SBNO1: variants seen among roughly 807,000 people sequenced by gnomAD.
The protein encoded by SBNO1 is strawberry notch homolog 1.
SBNO1 carries 23 observed loss-of-function variants against 173.6 expected under a neutral mutation model. The ratio of observed to expected loss-of-function variants is 0.13; its 90% CI spans 0.10 to 0.19. SBNO1 has a LOEUF of 0.19. Ranked by LOEUF, SBNO1 falls within the 10% of genes least tolerant of loss-of-function variation. The pLI is 1.00. For missense variants in SBNO1, 1,238 were observed against 1,671.2 expected, an observed-to-expected ratio of 0.74 and a Z score of 4.52; for synonymous variants, 632 against 571.5, an observed-to-expected ratio of 1.11 and a Z score of -1.51.
At chr12:123,362,131 C>T (rs1875327376) in intron 1 of SBNO1, among the ~76,000 whole-genome samples, 1 of 144,804 alleles carries the variant, frequency 6.9e-6, no homozygotes. Context: ...GAGAGCGAGA[C>T]TCCACCTCAA....
At position 123,290,886 on chromosome 12, in the gene SBNO1, C is replaced by T. The variant is rs186632106; in HGVS notation, c.*5022G>A. On this transcript the variant is annotated 3_prime_UTR_variant, in exon 32 of 32. Transcript: ENST00000602398. ...CTGAGTAGCTGGGACTACAGGCACC[C>T]GCCACCACGCCTGGCTAAGTTTTTT... The T allele has an allele frequency of 0.027, 4,157 of 151,954 alleles. 197 individuals carry two copies. The highest frequency in any genetic ancestry group is 0.096 in the African/African-American group (3,965 of 41,400). 9.4% of individuals were successfully genotyped at this position (151,954 alleles called of 1,614,324 possible).
intron 7 of SBNO1, among the ~76,000 whole-genome samples, chr12:123,332,551 C>G (rs1056151632): frequency 6.6e-6 from 1 of 151,818 alleles, no homozygotes; most frequent in Non-Finnish European, 1.5e-5. Context: ...TTCAGCCTCC[C>G]AAAGTGCCCG....
chr12:123,351,658 A>G (rs535776770), intron 1 of SBNO1, among the ~76,000 whole-genome samples: 1 of 152,288 alleles, frequency 6.6e-6, no homozygotes, highest in South Asian at 2.1e-4. Context: ...ACTCAACAGC[A>G]ATGTGGAAAC....
At chr12:123,362,576 G>A (rs1875454754) in intron 1 of SBNO1, among the ~76,000 whole-genome samples, 1 of 151,066 alleles carries the variant, frequency 6.6e-6, no homozygotes, top group African/African-American at 2.4e-5. Flanking sequence ...GACCAGCCTG[G>A]CCGACATGGT....
At chr12:123,337,574 C>T (rs1872000358) in intron 5 of SBNO1, among the ~76,000 whole-genome samples, 1 of 152,080 alleles carries the variant, frequency 6.6e-6, no homozygotes, top group Non-Finnish European at 1.5e-5. Context: ...GGGACATAAC[C>T]ATCCAATCAA....
intron 20 of SBNO1, 88 bp downstream of exon 20, chr12:123,319,812 A>G: frequency 2.6e-6 from 3 of 1,132,242 alleles, no homozygotes; most frequent in South Asian, 2.9e-5. Context: ...GACATGACTT[A>G]TATTAAAAGG....
intron 9 of SBNO1, among the ~76,000 whole-genome samples, 159 bp downstream of exon 9, chr12:123,330,260 C>T (rs576061611): frequency 1.3e-5 from 2 of 152,248 alleles, no homozygotes; most frequent in Admixed American, 1.3e-4. Flanking sequence ...TATAGGAATC[C>T]ACAAACCAAC....
chr12:123,296,510 T>C (rs911651889), intron 31 of SBNO1, among the ~76,000 whole-genome samples: 4 of 152,206 alleles, frequency 2.6e-5, no homozygotes, highest in South Asian at 2.1e-4. Flanking sequence ...GCATGTAGGA[T>C]TGAAGGCTCA....
rs181217032 is a variant in SBNO1 at position 123,339,745 on chromosome 12, C to T, written c.651+1243G>A. ...GAGATTGCAGTGAGCCAAGATTGCA[C>T]CACTACACTCCAGCCTGGTCAACAG... On this transcript the variant is annotated intron_variant, in intron 5 of 31. Coordinates refer to ENST00000602398, the MANE Select transcript of SBNO1 (RefSeq NM_001167856.3). 5.3e-5 allele frequency among the ~76,000 whole-genome samples: 8 copies of T among 152,220 alleles called. No individual in the cohort carries two copies. The East Asian group carries it at 7.7e-4, about 15-fold the overall frequency.
intron 1 of SBNO1, among the ~76,000 whole-genome samples, chr12:123,362,407 G>A (rs538427353): frequency 3.5e-5 from 4 of 112,716 alleles, no homozygotes; most frequent in Non-Finnish European, 6.5e-5. Flanking sequence ...CTGCACTCCA[G>A]CCTGGGCCAC....
chr12:123,351,678 G>T (rs1873902256), intron 1 of SBNO1, among the ~76,000 whole-genome samples: 1 of 152,114 alleles, frequency 6.6e-6, no homozygotes, highest in African/African-American at 2.4e-5. Flanking sequence ...CAAACTAAGA[G>T]GGAGCAGAAG....
chr12:123,364,128 G>A (rs781362721), intron 1 of SBNO1: 25 of 985,436 alleles, frequency 2.5e-5, no homozygotes, highest in Non-Finnish European at 2.9e-5. Context: ...GAGCCTGCAC[G>A]TGTCCCCCGC....
intron 21 of SBNO1, among the ~76,000 whole-genome samples, chr12:123,315,918 T>C (rs1222005563): frequency 6.6e-6 from 1 of 152,164 alleles, no homozygotes; most frequent in East Asian, 1.9e-4. Flanking sequence ...GTTTTTCAAA[T>C]CATTGGTCAC....
chr12:123,364,511 G>A (rs1875876740), intron 1 of SBNO1, 190 bp downstream of exon 1: 2 of 984,060 alleles, frequency 2.0e-6, no homozygotes, highest in Non-Finnish European at 2.4e-6. Context: ...CGGAGCCGCC[G>A]TCGGGAACAT....
chr12:123,354,239 A>C (rs1874184938), intron 1 of SBNO1, among the ~76,000 whole-genome samples: 1 of 152,228 alleles, frequency 6.6e-6, no homozygotes, highest in African/African-American at 2.4e-5. Context: ...GTATACTTGT[A>C]TATACCAAAA....
At position 123,309,866 on chromosome 12, in the gene SBNO1, C is replaced by T; in HGVS notation, c.3296-10G>A. The T allele has an allele frequency of 6.4e-7, 1 of 1,563,728 alleles. No homozygotes were observed. The highest frequency in any genetic ancestry group is 1.2e-5 in the South Asian group (1 of 84,612). ...CCTATGTTGTTATAATCTGTAATGA[C>T]AAAAGATAAACGTTTTCATGCAAAT... On this transcript the variant is annotated splice_polypyrimidine_tract_variant and intron_variant, in intron 25 of 31. Transcript: ENST00000602398.
intron 1 of SBNO1, among the ~76,000 whole-genome samples, chr12:123,350,675 C>G (rs1371019239): frequency 6.6e-6 from 1 of 152,120 alleles, no homozygotes. Flanking sequence ...TATGCATCTA[C>G]AAAAGGCTAC....
At chr12:123,310,775 T>C (rs1168341310) in intron 25 of SBNO1, among the ~76,000 whole-genome samples, 1 of 147,102 alleles carries the variant, frequency 6.8e-6, no homozygotes, top group African/African-American at 2.5e-5. Flanking sequence ...CCTTGTGATC[T>C]ACCCACCTCA....
intron 1 of SBNO1, among the ~76,000 whole-genome samples, chr12:123,354,861 C>T (rs1296381097): frequency 6.7e-5 from 1 of 14,860 alleles, no homozygotes; most frequent in African/African-American, 4.0e-4. Context: ...CTCTCTCAAA[C>T]AATGGACAAA....
Sources: allele counts gnomAD v4.1 joint callset (sites outside exome capture counted in the v4.1 genomes callset), GRCh38; gene constraint gnomAD v4.1.1; transcripts MANE v1.5; gene names NCBI Gene and HGNC (gene_info 2026-07-23, HGNC 2026-07-21).